Variants in GFUS observed in about 807,000 individuals in gnomAD.
GFUS encodes the protein 3-5 epimerase/4-reductase.
A neutral mutation model predicts 41.5 loss-of-function variants in GFUS; 42 were observed. That is an observed-to-expected ratio of 1.01 (90% confidence interval 0.79 to 1.31). GFUS has a LOEUF of 1.31. Ranked by LOEUF, GFUS falls within the 50% of genes most tolerant of loss-of-function variation. GFUS has a pLI of 0.00. For synonymous variants in GFUS, 188 were observed against 173.4 expected (o/e 1.08, Z -0.66); for missense variants, 437 against 428.7 (o/e 1.02, Z -0.17).
rs762251496 is a variant in GFUS, at chr8:143,613,012, C to T, written c.911-47G>A. The T allele has an allele frequency of 6.3e-6, 10 of 1,596,212 alleles. No individual in the cohort carries two copies. The Admixed American group carries it at 8.6e-5, about 14-fold the overall frequency. ...GGCCATGGACAGGGAGGGTCGGGGCCGCATGGGAGGAAGTGGGGGGAGGAG... is the reference window on the plus strand; with the variant it reads ...GGCCATGGACAGGGAGGGTCGGGGCTGCATGGGAGGAAGTGGGGGGAGGAG... On this transcript the variant is annotated intron_variant, in intron 10 of 10. Transcript: ENST00000425753.
chr8:143,615,810 C>T, intron 3 of GFUS: 1 of 366,604 alleles, frequency 2.7e-6, no homozygotes. Context: ...GGAACCAGCT[C>T]CCAGTCCCAC....
At chr8:143,616,774 G>A (rs961074742) in intron 1 of GFUS, 51 bp from the exon 2 acceptor site, 2 of 1,606,864 alleles carry the variant, frequency 1.2e-6, no homozygotes, top group Admixed American at 1.7e-5. Context: ...TCATCCTTTG[G>A]AGCCCCACTC....
At chr8:143,613,494 C>G in intron 9 of GFUS, 30 bp downstream of exon 9, 1 of 1,607,102 alleles carries the variant, frequency 6.2e-7, no homozygotes, top group Non-Finnish European at 8.5e-7. Flanking sequence ...GGGCCCCCGC[C>G]CAACCCCCAG....
rs779412292 is a variant in GFUS at position 143,616,574 on chromosome 8, C to T, written c.139G>A (p.Asp47Asn). ...DWVFVSSKDA[D>N]LTDTAQTRAL... ...GGGGATGGGCTCACTCACGTGAGAT[C>T]GGCGTCTTTAGAGGAGACAAACACC... Residue 47 changes from aspartate to asparagine, a missense_variant, in exon 2 of 11, where the codon GAT becomes AAT. By Grantham distance (23) the Asp-to-Asn change is conservative. Coordinates refer to ENST00000425753, the MANE Select transcript of GFUS (RefSeq NM_003313.4). The T allele has an allele frequency of 2.0e-5, 33 of 1,613,646 alleles. No homozygotes were observed. The highest frequency in any genetic ancestry group is 2.7e-5 in the Non-Finnish European group (32 of 1,179,950).
intron 9 of GFUS, 60 bp downstream of exon 9, chr8:143,613,464 G>A (rs1482208377): frequency 1.3e-6 from 2 of 1,573,490 alleles, no homozygotes; most frequent in Non-Finnish European, 1.7e-6. Context: ...TACACCGGGT[G>A]GCCACTGAGC....
intron 8 of GFUS, 40 bp from the exon 9 acceptor site, chr8:143,613,643 C>T (rs767414748): frequency 1.2e-6 from 2 of 1,605,696 alleles, no homozygotes; most frequent in South Asian, 2.2e-5. Flanking sequence ...CTTGGTGCCA[C>T]CCGACGGCCC....
At position 143,612,874 on chromosome 8, in the gene GFUS, C is replaced by G. The variant is rs749641821; in HGVS notation, c.*36G>C. ...GTGGTGGCCGCTGGGCTCTGCCAGC[C>G]GATGGTCCGCTGGCACCTGATCCTG... On this transcript the variant is annotated 3_prime_UTR_variant, in exon 11 of 11. Coordinates refer to ENST00000425753, the MANE Select transcript of GFUS (RefSeq NM_003313.4). The G allele has an allele frequency of 1.3e-6, 2 of 1,587,202 alleles. No individual in the cohort carries two copies.
chr8:143,617,055 G>A (rs1350241172), intron 1 of GFUS: 2 of 334,008 alleles, frequency 6.0e-6, no homozygotes, highest in South Asian at 8.1e-5. Flanking sequence ...GGGGGCTCCT[G>A]GCACAGGTCG....
At position 143,613,556 on chromosome 8, in the gene GFUS, C is replaced by T. The variant is rs1372707711; in HGVS notation, c.778G>A (p.Val260Met). 6.2e-7 allele frequency: 1 copy of T among 1,611,288 alleles called. No individual in the cohort carries two copies. The highest frequency in any genetic ancestry group is 2.2e-5 in the East Asian group (1 of 44,870). The change falls in exon 9 of 11, where the codon GTG becomes ATG. Residue 260 changes from valine to methionine, a missense_variant. By Grantham distance (21) the Val-to-Met change is conservative (BLOSUM62 1). Coordinates refer to ENST00000425753, the MANE Select transcript of GFUS (RefSeq NM_003313.4). ...VSIKEAAEAV[V>M]EAMDFHGEVT... ...TCCCCATGGAAGTCCATGGCCTCCA[C>T]CACCGCCTCGGCTGCCTCCTTGATG...
At chr8:143,616,941 A>T in intron 1 of GFUS, 1 of 598,498 alleles carries the variant, frequency 1.7e-6, no homozygotes, top group South Asian at 2.0e-5. Context: ...GCTACCACCC[A>T]GCCCAGAGCA....
rs201368998 is a variant in GFUS, at chr8:143,614,640, T to C, written c.448A>G (p.Ile150Val). Residue 150 changes from isoleucine to valine, a missense_variant, in exon 5 of 11, where the codon ATC becomes GTC. Coordinates refer to ENST00000425753, the MANE Select transcript of GFUS (RefSeq NM_003313.4). ...CGCGAGGACCTGTTCTGCACGTCGATCATCCTCTTGGCATACGAGTACCCA... is the reference window on the plus strand; with the variant it reads ...CGCGAGGACCTGTTCTGCACGTCGACCATCCTCTTGGCATACGAGTACCCA... The part of the protein sequence containing the change: ...NFGYSYAKRM[I>V]DVQNRAYFQQ... The C allele has an allele frequency of 3.2e-4, 511 of 1,600,318 alleles. No homozygotes were observed. The highest frequency in any genetic ancestry group is 4.2e-4 in the Non-Finnish European group (490 of 1,169,956).
chr8:143,616,240 C>T lies in GFUS; in HGVS notation c.147-20G>A. The T allele has an allele frequency of 6.2e-7, 1 of 1,611,918 alleles. No homozygotes were observed. The highest frequency in any genetic ancestry group is 8.5e-7 in the Non-Finnish European group (1 of 1,178,146). On this transcript the variant is annotated intron_variant, in intron 2 of 10. Coordinates refer to ENST00000425753, the MANE Select transcript of GFUS (RefSeq NM_003313.4). The stretch of plus-strand genomic sequence containing the variant: ...GTATCCCTGTAGGAAGCCAGGCTGT[C>T]AGGAGGCTCTGGAGGGAACCAGCAC...
chr8:143,616,432 G>T, intron 2 of GFUS, 135 bp downstream of exon 2: 1 of 1,422,050 alleles, frequency 7.0e-7, no homozygotes. Context: ...CCCAGGCCAG[G>T]CCAGCCACCT....
intron 1 of GFUS, 174 bp from the exon 2 acceptor site, chr8:143,616,897 G>T: frequency 1.3e-6 from 1 of 755,536 alleles, no homozygotes; most frequent in Non-Finnish European, 2.1e-6. Flanking sequence ...GTTCCCCTGG[G>T]AGCTCTCAGC....
At chr8:143,614,110 C>G in intron 7 of GFUS, 54 bp downstream of exon 7, 1 of 1,605,828 alleles carries the variant, frequency 6.2e-7, no homozygotes, top group Non-Finnish European at 8.5e-7. Context: ...AGGGGCCAGC[C>G]CAGGGCTCAA....
In GFUS at chr8:143,614,252, G is replaced by C. The variant is rs369301219; in HGVS notation, c.599-24C>G. ...GCCTGCAGATTTGGGGAAGGAGCAG[G>C]TGTCAGAGGCACTGGGTCACCTCCT... On this transcript the variant is annotated intron_variant, in intron 6 of 10. Transcript: ENST00000425753. 9.3e-6 allele frequency: 15 copies of C among 1,613,746 alleles called. No individual in the cohort carries two copies. The African/African-American group carries it at 1.5e-4, about 16-fold the overall frequency.
At position 143,612,768 on chromosome 8, in the gene GFUS, A is replaced by C; in HGVS notation, c.*142T>G. The C allele has an allele frequency of 9.1e-7, 1 of 1,104,058 alleles. No individual in the cohort carries two copies. The highest frequency in any genetic ancestry group is 1.6e-5 in the African/African-American group (1 of 63,978). The allele number at this position is 1,104,058 out of a possible 1,614,324, so 68.4% of individuals were successfully genotyped here. ...CAACGTGAATGGGGGCCCCACTGGAAAGATGCTTGGGGCTGCAGAGCGGAT... is the reference window on the plus strand; with the variant it reads ...CAACGTGAATGGGGGCCCCACTGGACAGATGCTTGGGGCTGCAGAGCGGAT... On this transcript the variant is annotated 3_prime_UTR_variant, in exon 11 of 11. Coordinates refer to ENST00000425753, the MANE Select transcript of GFUS (RefSeq NM_003313.4).
At chr8:143,616,759 C>G in intron 1 of GFUS, 36 bp from the exon 2 acceptor site, 1 of 1,611,064 alleles carries the variant, frequency 6.2e-7, no homozygotes. Context: ...GAGGTCATCA[C>G]GCTCTCATCC....
chr8:143,616,434 C>T lies in GFUS; in HGVS notation c.146+133G>A. On this transcript the variant is annotated intron_variant, in intron 2 of 10. Transcript: ENST00000425753. ...ACAGCCAAGCACACCCAGGCCAGGC[C>T]AGCCACCTGGCAGGAAGGACCCAGA... The T allele has an allele frequency of 4.2e-6, 6 of 1,427,100 alleles. No individual in the cohort carries two copies. The African/African-American group carries it at 5.6e-5, about 13-fold the overall frequency. The allele number at this position is 1,427,100 out of a possible 1,614,324, so 88.4% of individuals were successfully genotyped here. A position where few individuals can be genotyped will look rare whatever the true frequency, so the allele number is the denominator to read the frequency against.
Sources: allele counts gnomAD v4.1 joint callset, GRCh38; gene constraint gnomAD v4.1.1; transcripts MANE v1.5; gene names NCBI Gene and HGNC (gene_info 2026-07-23, HGNC 2026-07-21).